PCDHGB2: variants seen among roughly 807,000 people sequenced by gnomAD.
PCDHGB2 encodes the protein protocadherin gamma-B2.
A neutral mutation model predicts 59.3 loss-of-function variants in PCDHGB2; 55 were observed. The observed-to-expected ratio is 0.93, with a 90% CI of 0.75 to 1.16. PCDHGB2 has a LOEUF of 1.16. Among genes scored for constraint, PCDHGB2 ranks in the 50% most tolerant of loss-of-function variants. PCDHGB2 has a pLI of 0.00. For synonymous variants in PCDHGB2, 516 were observed against 512.0 expected, an observed-to-expected ratio of 1.01 and a Z score of -0.11; for missense variants, 1,228 against 1,198.5, an observed-to-expected ratio of 1.02 and a Z score of -0.36.
chr5:141,438,591 C>CATAT (rs946798767), intron 1 of PCDHGB2, among the ~76,000 whole-genome samples: 211 of 75,392 alleles, frequency 2.8e-3, no homozygotes, highest in Non-Finnish European at 4.1e-3. Context: ...TACATACATA[C>CATAT]ATATATATAT....
intron 1 of PCDHGB2, chr5:141,370,202 A>G (rs1766737926): frequency 3.7e-6 from 2 of 546,378 alleles, no homozygotes; most frequent in Non-Finnish European, 6.3e-6. Context: ...GCTGTGCAAA[A>G]TATTGGCTCC....
At chr5:141,375,595 C>T (rs1444867378) in intron 1 of PCDHGB2, 13 of 1,614,066 alleles carry the variant, frequency 8.1e-6, no homozygotes, top group African/African-American at 1.3e-5. Flanking sequence ...TGTCCTCCTA[C>T]GTGTCCATCA....
intron 1 of PCDHGB2, chr5:141,400,039 C>T: frequency 6.2e-7 from 1 of 1,613,512 alleles, no homozygotes; most frequent in Non-Finnish European, 8.5e-7. Context: ...CCGCCAGCGC[C>T]TGCTGGTTGC....
intron 1 of PCDHGB2, chr5:141,394,897 T>C (rs773335725): frequency 3.1e-6 from 5 of 1,613,682 alleles, no homozygotes; most frequent in Non-Finnish European, 4.2e-6. Flanking sequence ...TATCTCGTGG[T>C]GGCAGTGGCT....
chr5:141,381,823 CTTCT>C (rs1777510060), intron 1 of PCDHGB2, among the ~76,000 whole-genome samples: 4 of 101,610 alleles, frequency 3.9e-5, no homozygotes, highest in African/African-American at 4.3e-5. Flanking sequence ...TTTCTTTCTT[CTTCT>C]TTTTTTTTTT....
At chr5:141,372,077 G>A (rs533920380) in intron 1 of PCDHGB2, 223 of 1,613,592 alleles carry the variant, frequency 1.4e-4, no homozygotes, top group Non-Finnish European at 1.8e-4. Context: ...ATGCACCGCT[G>A]GTGCTGTACC....
chr5:141,360,527 C>A lies in PCDHGB2; in HGVS notation c.392C>A (p.Pro131Gln). 1 of 1,613,910 alleles carries A rather than the reference C, an allele frequency of 6.2e-7. No individual in the cohort carries two copies. The highest frequency in any genetic ancestry group is 8.5e-7 in the Non-Finnish European group (1 of 1,179,882). The change falls in exon 1 of 4, where the codon CCG (proline) becomes CAG (glutamine). Residue 131 changes from proline to glutamine, a missense_variant. Pro to Gln is a moderately conservative substitution (Grantham distance 76, BLOSUM62 -1). Coordinates refer to ENST00000522605, the MANE Select transcript of PCDHGB2 (RefSeq NM_018923.3). The part of the protein sequence containing the change: ...VIVQDINDNT[P>Q]LFKQTKINLK... ...GTGCAGGATATAAATGATAATACCC[C>A]GCTATTCAAACAGACTAAGATTAAT...
chr5:141,448,192 TACAAAC>T (rs2098573842), intron 1 of PCDHGB2, among the ~76,000 whole-genome samples: 1 of 152,188 alleles, frequency 6.6e-6, no homozygotes, highest in Non-Finnish European at 1.5e-5. Flanking sequence ...TATGTACACT[TACAAAC>T]ATTTTCTGTG....
intron 1 of PCDHGB2, chr5:141,484,875 T>G: frequency 3.2e-6 from 1 of 317,108 alleles, no homozygotes; most frequent in Non-Finnish European, 5.8e-6. Context: ...GCGTGGAGGA[T>G]AGGGTGGGCT....
intron 1 of PCDHGB2, chr5:141,423,241 G>C: frequency 6.2e-7 from 1 of 1,613,954 alleles, no homozygotes; most frequent in Non-Finnish European, 8.5e-7. Context: ...CATCCCCGAA[G>C]TCCTGGCGGA....
At position 141,489,220 on chromosome 5, in the gene PCDHGB2, C is replaced by T; in HGVS notation, c.2422-5587C>T. ...AGACAGGACAGCACAGACTTACTCT[C>T]CACAAAGGGACTTCTGGGTCATGGG... On this transcript the variant is annotated intron_variant, in intron 1 of 3. Transcript: ENST00000522605. This position sits in a 1 kb window ranked among gnomAD's most constrained non-coding sequence, Gnocchi z 4.5. The T allele has an allele frequency of 6.6e-7, 1 of 1,508,698 alleles. No homozygotes were observed. The highest frequency in any genetic ancestry group is 8.9e-7 in the Non-Finnish European group (1 of 1,122,110). The allele number at this position is 1,508,698 out of a possible 1,614,324, so 93.5% of individuals were successfully genotyped here.
chr5:141,464,515 A>C (rs969421973), intron 1 of PCDHGB2, among the ~76,000 whole-genome samples: 4 of 152,028 alleles, frequency 2.6e-5, no homozygotes, highest in Non-Finnish European at 4.4e-5. Flanking sequence ...CATAAGGTAA[A>C]GGCATATGTA....
intron 1 of PCDHGB2, chr5:141,393,583 C>T: frequency 6.2e-7 from 1 of 1,613,930 alleles, no homozygotes. Flanking sequence ...AACATGCCCC[C>T]AGGCACGCGG....
At chr5:141,483,967 G>C (rs2099589454) in intron 1 of PCDHGB2, among the ~76,000 whole-genome samples, 1 of 149,276 alleles carries the variant, frequency 6.7e-6, no homozygotes, top group African/African-American at 2.5e-5. Flanking sequence ...TTCTGTGCTT[G>C]TGCAAGGGAG....
rs756966401 is a variant in PCDHGB2, at chr5:141,393,451, C to T, written c.2421+30895C>T. The T allele has an allele frequency of 5.0e-6, 8 of 1,614,058 alleles. No homozygotes were observed. In the South Asian group the frequency reaches 6.6e-5, roughly 13 times the overall value. On this transcript the variant is annotated intron_variant, in intron 1 of 3. Transcript: ENST00000522605. The stretch of plus-strand genomic sequence containing the variant: ...GAGGCTGCTCACCACCTGGTCCTCA[C>T]GGCCTCGGATGGCGGCAAGCCGCCT...
In PCDHGB2 at chr5:141,362,291, C is replaced by A; in HGVS notation, c.2156C>A (p.Ser719Tyr). The change falls in exon 1 of 4, where the codon TCC becomes TAC. Residue 719 changes from serine to tyrosine, a missense_variant. Ser to Tyr is a moderately radical substitution (Grantham distance 144). Coordinates refer to ENST00000522605, the MANE Select transcript of PCDHGB2 (RefSeq NM_018923.3). ...LAISLRLRLS[S>Y]RSDAWDCFQP... ...ATCTCCCTGCGCCTGCGACTCTCTT[C>A]CAGGTCAGATGCTTGGGACTGTTTT... The A allele has an allele frequency of 6.2e-7, 1 of 1,614,076 alleles. No individual in the cohort carries two copies. Among genetic ancestry groups the A allele is most frequent in the Non-Finnish European group, 8.5e-7 (1 of 1,179,912 alleles).
intron 1 of PCDHGB2, among the ~76,000 whole-genome samples, chr5:141,488,007 G>A (rs1269050547): frequency 6.6e-6 from 1 of 152,178 alleles, no homozygotes; most frequent in African/African-American, 2.4e-5. Flanking sequence ...ATCAGATTCT[G>A]AAGTACCTTA....
At chr5:141,459,885 C>A (rs1333668105) in intron 1 of PCDHGB2, among the ~76,000 whole-genome samples, 1 of 152,106 alleles carries the variant, frequency 6.6e-6, no homozygotes, top group East Asian at 1.9e-4. Flanking sequence ...CTGAGCTGAA[C>A]GCCTTCTTAA....
At chr5:141,373,229 A>C (rs941177727) in intron 1 of PCDHGB2, among the ~76,000 whole-genome samples, 5 of 152,240 alleles carry the variant, frequency 3.3e-5, no homozygotes, top group Non-Finnish European at 7.3e-5. Flanking sequence ...CCTGTATATA[A>C]TATTTTTACT....
Sources: allele counts gnomAD v4.1 joint callset (sites outside exome capture counted in the v4.1 genomes callset), GRCh38; gene constraint gnomAD v4.1.1; non-coding constraint Gnocchi (gnomAD v3.1); transcripts MANE v1.5; gene names NCBI Gene and HGNC (gene_info 2026-07-23, HGNC 2026-07-21).